HAPLN1: variants seen among roughly 807,000 people sequenced by gnomAD.
HAPLN1 encodes the protein hyaluronan and proteoglycan link protein 1, also known as Cartilage link protein.
A neutral mutation model predicts 36.5 loss-of-function variants in HAPLN1; 13 were observed. The observed-to-expected ratio is 0.36, with a 90% confidence interval of 0.23 to 0.57. HAPLN1 has a LOEUF of 0.57. Among genes scored for constraint, HAPLN1 ranks in the 20% least tolerant of loss-of-function variants. HAPLN1 has a pLI of 0.83. For synonymous variants in HAPLN1, 202 were observed against 169.8 expected (o/e 1.19, Z -1.48); for missense variants, 407 against 439.7 (o/e 0.93, Z 0.66).
At chr5:83,668,650 A>G (rs1235395255) in intron 2 of HAPLN1, among the ~76,000 whole-genome samples, 2 of 152,242 alleles carry the variant, frequency 1.3e-5, no homozygotes, top group African/African-American at 4.8e-5. Context: ...TCATTATGGT[A>G]GTGACAATTT....
chr5:83,666,502 A>G (rs560074443), intron 2 of HAPLN1, among the ~76,000 whole-genome samples: 1 of 152,292 alleles, frequency 6.6e-6, no homozygotes, highest in Non-Finnish European at 1.5e-5. Context: ...ACCTGCAAAG[A>G]TTATTCAATA....
At chr5:83,665,507 C>T (rs1330552174) in intron 2 of HAPLN1, among the ~76,000 whole-genome samples, 1 of 152,130 alleles carries the variant, frequency 6.6e-6, no homozygotes, top group Admixed American at 6.5e-5. Flanking sequence ...AAATCTCCTC[C>T]CTTCAAGGGT....
chr5:83,648,431 A>T (rs1270351853), intron 3 of HAPLN1, among the ~76,000 whole-genome samples: 2 of 133,520 alleles, frequency 1.5e-5, no homozygotes, highest in African/African-American at 5.7e-5. Flanking sequence ...ATATATATAT[A>T]TATATATGGT....
chr5:83,682,912 G>A (rs990377378), intron 1 of HAPLN1, among the ~76,000 whole-genome samples: 3 of 151,858 alleles, frequency 2.0e-5, no homozygotes, highest in Non-Finnish European at 4.4e-5. Flanking sequence ...TTTGGCTCAG[G>A]AATTTGTTCA....
chr5:83,718,349 G>A (rs1436450514), intron 1 of HAPLN1, among the ~76,000 whole-genome samples: 1 of 152,182 alleles, frequency 6.6e-6, no homozygotes, highest in Non-Finnish European at 1.5e-5. Context: ...GGGAGTCAGA[G>A]TATTTTAAGA....
intron 1 of HAPLN1, among the ~76,000 whole-genome samples, chr5:83,717,682 A>G (rs529021616): frequency 6.6e-6 from 1 of 152,284 alleles, no homozygotes; most frequent in African/African-American, 2.4e-5. Context: ...TGGTATCTTA[A>G]TGCTTCCTTC....
At chr5:83,688,897 A>G (rs960586262) in intron 1 of HAPLN1, among the ~76,000 whole-genome samples, 5 of 152,106 alleles carry the variant, frequency 3.3e-5, no homozygotes, top group Non-Finnish European at 7.4e-5. Context: ...CCATGTCAAT[A>G]TGCATTTGTC....
intron 1 of HAPLN1, among the ~76,000 whole-genome samples, chr5:83,717,944 G>C (rs780690182): frequency 2.0e-5 from 3 of 152,192 alleles, no homozygotes; most frequent in African/African-American, 7.2e-5. Flanking sequence ...ATGTGCAGCT[G>C]TGTGGTAACC....
chr5:83,653,145 C>T (rs1750121075), intron 2 of HAPLN1, among the ~76,000 whole-genome samples: 1 of 152,050 alleles, frequency 6.6e-6, no homozygotes, highest in Admixed American at 6.6e-5. Context: ...ATTTTTTCTT[C>T]TACATTTAAA....
Position 83,641,612 on chromosome 5 carries a change from G to C in HAPLN1, c.949C>G (p.Pro317Ala). ...CAGCGCCTTCTTGGCCTAGAGATGGGGTAGCGGACGCTGCCATCCGCCAAC... is the reference window on the plus strand; with the variant it reads ...CAGCGCCTTCTTGGCCTAGAGATGGCGTAGCGGACGCTGCCATCCGCCAAC... ...GWLADGSVRY[P>A]ISRPRRRCSP... The change falls in exon 5 of 5, where the codon CCC becomes GCC. Residue 317 changes from proline (P) to alanine (A), a missense_variant. Coordinates refer to ENST00000274341, the MANE Select transcript of HAPLN1 (RefSeq NM_001884.4). The C allele has an allele frequency of 4.3e-6, 7 of 1,614,172 alleles. No individual in the cohort carries two copies. The highest frequency in any genetic ancestry group is 5.9e-6 in the Non-Finnish European group (7 of 1,180,040).
At chr5:83,708,196 C>A (rs1194317356) in intron 1 of HAPLN1, among the ~76,000 whole-genome samples, 1 of 152,216 alleles carries the variant, frequency 6.6e-6, no homozygotes, top group Non-Finnish European at 1.5e-5. Flanking sequence ...TTCCACCCAG[C>A]AATCCCAGTA....
In HAPLN1 at chr5:83,708,909, C is replaced by T. The variant is rs1236099144; in HGVS notation, c.-27+11880G>A. 2.6e-5 allele frequency among the ~76,000 whole-genome samples: 4 copies of T among 152,220 alleles called. No homozygotes were observed. The South Asian group carries it at 8.3e-4, about 32-fold the overall frequency. On this transcript the variant is annotated intron_variant, in intron 1 of 4. Coordinates refer to ENST00000274341, the MANE Select transcript of HAPLN1 (RefSeq NM_001884.4). Reference sequence around the variant, plus strand: ...TTTTTCTGTTTTTTTGAGACACAGTCTCTGTCACCCAGGCTGGAGTGCAGC... The same window carrying T: ...TTTTTCTGTTTTTTTGAGACACAGTTTCTGTCACCCAGGCTGGAGTGCAGC...
At chr5:83,715,529 T>G (rs1277684983) in intron 1 of HAPLN1, among the ~76,000 whole-genome samples, 1 of 152,242 alleles carries the variant, frequency 6.6e-6, no homozygotes, top group East Asian at 1.9e-4. Context: ...CTTGAGCCAA[T>G]TACTATGCAA....
intron 1 of HAPLN1, among the ~76,000 whole-genome samples, chr5:83,677,668 C>A (rs1047508270): frequency 6.6e-6 from 1 of 152,142 alleles, no homozygotes; most frequent in African/African-American, 2.4e-5. Flanking sequence ...ACCAGTACAA[C>A]AGGTCTCAAT....
chr5:83,690,349 T>G (rs1281581247), intron 1 of HAPLN1, among the ~76,000 whole-genome samples: 1 of 152,068 alleles, frequency 6.6e-6, no homozygotes, highest in Non-Finnish European at 1.5e-5. Flanking sequence ...AAGTTACAGA[T>G]GTAGAAACAG....
intron 1 of HAPLN1, among the ~76,000 whole-genome samples, chr5:83,685,471 C>T (rs1751098984): frequency 6.6e-6 from 1 of 152,192 alleles, no homozygotes; most frequent in African/African-American, 2.4e-5. Flanking sequence ...ATCACACACA[C>T]ACACACAACT....
intron 3 of HAPLN1, among the ~76,000 whole-genome samples, chr5:83,650,795 C>T (rs375028417): frequency 4.7e-4 from 71 of 151,616 alleles, no homozygotes; most frequent in African/African-American, 1.5e-3. Flanking sequence ...CCACCATGCC[C>T]GGCTAATTTT....
chr5:83,672,008 G>A (rs982367320), intron 2 of HAPLN1, among the ~76,000 whole-genome samples: 3 of 152,152 alleles, frequency 2.0e-5, no homozygotes, highest in African/African-American at 7.2e-5. Flanking sequence ...GATAACTTGA[G>A]TCTGACTTAT....
intron 1 of HAPLN1, 40 bp from the exon 2 acceptor site, chr5:83,673,589 G>T: frequency 1.7e-6 from 2 of 1,184,882 alleles, no homozygotes; most frequent in Non-Finnish European, 2.5e-6. Context: ...GTGAGATTTG[G>T]AACCCTTTGG....
Sources: allele counts gnomAD v4.1 joint callset (sites outside exome capture counted in the v4.1 genomes callset), GRCh38; gene constraint gnomAD v4.1.1; transcripts MANE v1.5; gene names NCBI Gene and HGNC (gene_info 2026-07-23, HGNC 2026-07-21).